ELP4: variants seen among roughly 807,000 people sequenced by gnomAD.
ELP4 encodes the protein elongator complex protein 4.
In ELP4, 51 loss-of-function variants were observed where a neutral mutation model predicts 48.9. The observed-to-expected ratio is 1.04, with a 90% CI of 0.83 to 1.32. The LOEUF (loss-of-function observed/expected upper bound fraction) is 1.32, where lower values mean the gene tolerates loss of function less well. Ranked by LOEUF, ELP4 falls within the 40% of genes most tolerant of loss-of-function variation. The pLI, the probability that ELP4 is intolerant of heterozygous loss-of-function variation, is 0.00. For missense variants in ELP4, 519 were observed against 514.6 expected, an observed-to-expected ratio of 1.01 and a Z score of -0.08; for synonymous variants, 210 against 189.2, an observed-to-expected ratio of 1.11 and a Z score of -0.90.
chr11:31,599,680 C>G (rs953159900), intron 4 of ELP4: 2 of 152,922 alleles, frequency 1.3e-5, no homozygotes, highest in Admixed American at 6.5e-5. Flanking sequence ...GCACATCTTA[C>G]ATGGCAGCAG....
chr11:31,700,731 C>T (rs1241757676), intron 9 of ELP4, among the ~76,000 whole-genome samples: 3 of 151,970 alleles, frequency 2.0e-5, no homozygotes, highest in Non-Finnish European at 4.4e-5. Context: ...GTCAGATTTA[C>T]AAAAATTTCC....
chr11:31,627,077 T>C, intron 5 of ELP4, 33 bp from the exon 6 acceptor site: 1 of 1,275,294 alleles, frequency 7.8e-7, no homozygotes, highest in Non-Finnish European at 1.1e-6. Flanking sequence ...TAATAACCCA[T>C]TTATGTATTT....
chr11:31,609,464 A>AT (rs1253707783), intron 5 of ELP4, among the ~76,000 whole-genome samples: 6 of 151,950 alleles, frequency 3.9e-5, no homozygotes, highest in African/African-American at 1.5e-4. Flanking sequence ...ACATGGGTAT[A>AT]TTTTTGGAGG....
chr11:31,685,957 T>C (rs577322953), intron 9 of ELP4, among the ~76,000 whole-genome samples: 1 of 151,808 alleles, frequency 6.6e-6, no homozygotes, highest in South Asian at 2.1e-4. Flanking sequence ...ATCTTTCCTA[T>C]ATATTGTTAA....
At chr11:31,647,066 T>A (rs1945214793) in intron 7 of ELP4, 1 of 151,782 alleles carries the variant, frequency 6.6e-6, no homozygotes, top group South Asian at 2.1e-4. Context: ...CATCTCAGAT[T>A]GTGTCGAGAA....
In ELP4 at chr11:31,789,124, A is replaced by G. The variant is rs1490973453; in HGVS notation, c.*5600A>G. 3 of 203,130 alleles carry G rather than the reference A, an allele frequency of 1.5e-5. No homozygotes were observed. Among genetic ancestry groups the G allele is most frequent in the African/African-American group, 2.3e-5 (1 of 43,746 alleles). 12.6% of individuals were successfully genotyped at this position (203,130 alleles called of 1,614,324 possible). A position where few individuals can be genotyped will look rare whatever the true frequency, so the allele number is the denominator to read the frequency against. On this transcript the variant is annotated 3_prime_UTR_variant, in exon 10 of 10. Coordinates refer to ENST00000640961, the MANE Select transcript of ELP4 (RefSeq NM_019040.5). ...AGTAATACAACTATATCTAAGAACA[A>G]TTAACTTTTGCTGGCCAAAAAAGAA... is the stretch of plus-strand genomic sequence containing the variant.
intron 9 of ELP4, among the ~76,000 whole-genome samples, chr11:31,655,467 A>G (rs997373135): frequency 5.9e-5 from 9 of 152,022 alleles, no homozygotes; most frequent in Non-Finnish European, 1.5e-5. Context: ...TGAACCCCAT[A>G]GTTAGCTATG....
At chr11:31,569,839 A>T (rs1957166957) in intron 3 of ELP4, among the ~76,000 whole-genome samples, 1 of 152,190 alleles carries the variant, frequency 6.6e-6, no homozygotes, top group South Asian at 2.1e-4. Context: ...CACCAGTCAG[A>T]ATGGCTTTTG....
chr11:31,562,595 A>G (rs899480021), intron 3 of ELP4, among the ~76,000 whole-genome samples: 2 of 152,186 alleles, frequency 1.3e-5, no homozygotes, highest in African/African-American at 4.8e-5. Context: ...TTAAAACAAT[A>G]TTTGTATACC....
At position 31,509,851 on chromosome 11, in the gene ELP4, A is replaced by G. The variant is rs754308762; in HGVS notation, c.67A>G (p.Lys23Glu). The change falls in exon 1 of 10, where the codon AAG becomes GAG. Residue 23 changes from lysine to glutamate, a missense_variant. Lys to Glu is a moderately conservative substitution (Grantham distance 56). Coordinates refer to ENST00000640961, the MANE Select transcript of ELP4 (RefSeq NM_019040.5). ...TGGGTCTGCAGTGGCGACAGCCAGCAAGAGCAACGTCACCAGTTTCCAGAG... is the reference window on the plus strand; with the variant it reads ...TGGGTCTGCAGTGGCGACAGCCAGCGAGAGCAACGTCACCAGTTTCCAGAG... ...STGSAVATAS[K>E]SNVTSFQRRG... 15 of 1,614,216 alleles carry G rather than the reference A, an allele frequency of 9.3e-6. No individual in the cohort carries two copies. The highest frequency in any genetic ancestry group is 1.1e-5 in the Non-Finnish European group (13 of 1,180,032).
chr11:31,672,901 G>A (rs1211175938), intron 9 of ELP4, among the ~76,000 whole-genome samples: 1 of 152,162 alleles, frequency 6.6e-6, no homozygotes, highest in Non-Finnish European at 1.5e-5. Context: ...ATAAGTTGAT[G>A]ATATTCTAAG....
chr11:31,781,947 C>T (rs999015815), intron 9 of ELP4, among the ~76,000 whole-genome samples: 1 of 152,100 alleles, frequency 6.6e-6, no homozygotes, highest in Non-Finnish European at 1.5e-5. Context: ...TATTTAATTG[C>T]TTAATAAGTG....
At chr11:31,765,454 A>G (rs1327051786) in intron 9 of ELP4, among the ~76,000 whole-genome samples, 1 of 152,166 alleles carries the variant, frequency 6.6e-6, no homozygotes, top group Non-Finnish European at 1.5e-5. Context: ...GACTCTTTTT[A>G]ATATTTGGAT....
At chr11:31,733,239 G>T (rs1361024005) in intron 9 of ELP4, among the ~76,000 whole-genome samples, 1 of 152,076 alleles carries the variant, frequency 6.6e-6, no homozygotes, top group East Asian at 1.9e-4. Flanking sequence ...AATTTGGGAG[G>T]CTGAGGCGGG....
At chr11:31,536,507 A>T (rs1449191309) in intron 2 of ELP4, among the ~76,000 whole-genome samples, 1 of 152,128 alleles carries the variant, frequency 6.6e-6, no homozygotes, top group East Asian at 1.9e-4. Context: ...ATGTGCAAGC[A>T]TTCCCAGGTA....
intron 9 of ELP4, chr11:31,763,316 G>T: frequency 1.8e-6 from 2 of 1,134,762 alleles, no homozygotes; most frequent in South Asian, 4.1e-5. Flanking sequence ...AATTGAGAAA[G>T]AAAATGAGAT....
intron 7 of ELP4, among the ~76,000 whole-genome samples, chr11:31,642,180 A>G (rs190337251): frequency 3.0e-4 from 46 of 152,128 alleles, no homozygotes; most frequent in Middle Eastern, 6.8e-3. Context: ...TTTTCAGAAT[A>G]TGTAAGTTTT....
chr11:31,591,882 G>T (rs1487135123), intron 3 of ELP4, among the ~76,000 whole-genome samples: 1 of 152,186 alleles, frequency 6.6e-6, no homozygotes, highest in Non-Finnish European at 1.5e-5. Flanking sequence ...AGTAGTTAAT[G>T]TGGTACATAC....
intron 3 of ELP4, among the ~76,000 whole-genome samples, chr11:31,542,207 G>C (rs1956603503): frequency 6.6e-6 from 1 of 152,184 alleles, no homozygotes; most frequent in South Asian, 2.1e-4. Context: ...CTACCTTACT[G>C]AGTACAGTGT....
Sources: allele counts gnomAD v4.1 joint callset (sites outside exome capture counted in the v4.1 genomes callset), GRCh38; gene constraint gnomAD v4.1.1; transcripts MANE v1.5; gene names NCBI Gene and HGNC (gene_info 2026-07-23, HGNC 2026-07-21).